The following PHYHIPL variants were observed in gnomAD, a reference collection of about 807,000 sequenced individuals.
PHYHIPL encodes the protein phytanoyl-CoA 2-hydroxylase interacting protein like.
Under a neutral mutation model 33.4 loss-of-function variants are expected in PHYHIPL, and 9 were observed. The observed-to-expected ratio is 0.27, with a 90% CI of 0.16 to 0.47. The LOEUF (loss-of-function observed/expected upper bound fraction) is 0.47. Among genes scored for constraint, PHYHIPL ranks in the 20% least tolerant of loss-of-function variants. PHYHIPL has a pLI of 0.99. For missense variants in PHYHIPL, 365 were observed against 460.7 expected (o/e 0.79, Z 1.90); for synonymous variants, 153 against 154.1 (o/e 0.99, Z 0.05).
intron 1 of PHYHIPL, chr10:59,177,537 A>T: frequency 1.3e-6 from 2 of 1,551,608 alleles, no homozygotes; most frequent in Non-Finnish European, 8.7e-7. Flanking sequence ...GACAGACACA[A>T]TCTTCATGGT....
chr10:59,209,864 A>G (rs894586835), intron 1 of PHYHIPL, among the ~76,000 whole-genome samples: 2 of 152,256 alleles, frequency 1.3e-5, no homozygotes, highest in Non-Finnish European at 2.9e-5. Context: ...CTGGCTAGCC[A>G]TATACAGAAA....
upstream of PHYHIPL, among the ~76,000 whole-genome samples, chr10:59,173,921 G>GTTTTTTTTTT (rs368316005): frequency 7.8e-4 from 45 of 57,546 alleles, 8 homozygotes; most frequent in South Asian, 1.3e-3. Flanking sequence ...TACTTCTGAG[G>GTTTTTTTTTT]TTTTTTTTTT....
chr10:59,210,658 A>C (rs553812111), intron 1 of PHYHIPL, among the ~76,000 whole-genome samples: 2 of 152,354 alleles, frequency 1.3e-5, no homozygotes, highest in East Asian at 3.9e-4. Flanking sequence ...TCACAATAGC[A>C]AAGAGTTGGA....
At chr10:59,178,895 G>A (rs975543131) in intron 1 of PHYHIPL, among the ~76,000 whole-genome samples, 2 of 152,036 alleles carry the variant, frequency 1.3e-5, no homozygotes, top group African/African-American at 2.4e-5. Flanking sequence ...GGAGGGTGCT[G>A]GCACTAAGTA....
intron 1 of PHYHIPL, among the ~76,000 whole-genome samples, chr10:59,184,984 ATTTTTTTTTTT>A (rs34336392): frequency 1.1e-5 from 1 of 92,094 alleles, no homozygotes; most frequent in Non-Finnish European, 2.0e-5. Flanking sequence ...TGAACTCATC[ATTTTTTTTTTT>A]TTTTTTTTTT....
chr10:59,213,198 A>G (rs1408231693), intron 1 of PHYHIPL, among the ~76,000 whole-genome samples: 2 of 152,140 alleles, frequency 1.3e-5, no homozygotes, highest in Non-Finnish European at 2.9e-5. Flanking sequence ...ATTTTCTCCA[A>G]TGCACTTTCT....
At chr10:59,195,119 A>G (rs1838877068) in intron 1 of PHYHIPL, among the ~76,000 whole-genome samples, 1 of 152,238 alleles carries the variant, frequency 6.6e-6, no homozygotes, top group Non-Finnish European at 1.5e-5. Context: ...TAATGTTATT[A>G]TATTAATTAT....
chr10:59,241,097 G>A (rs1840382332), intron 4 of PHYHIPL, among the ~76,000 whole-genome samples: 2 of 151,986 alleles, frequency 1.3e-5, no homozygotes, highest in Non-Finnish European at 2.9e-5. Context: ...TCCACAGAGT[G>A]GTATAATTTT....
intron 1 of PHYHIPL, among the ~76,000 whole-genome samples, chr10:59,186,760 T>G (rs1286520004): frequency 2.0e-5 from 3 of 152,202 alleles, no homozygotes; most frequent in Non-Finnish European, 4.4e-5. Context: ...TTTGGCTCTC[T>G]GTTTGTCTGT....
At chr10:59,175,426 A>G (rs562023567), upstream of PHYHIPL, among the ~76,000 whole-genome samples, 1 of 152,356 alleles carries the variant, frequency 6.6e-6, no homozygotes, top group Non-Finnish European at 1.5e-5. Context: ...GACTAGAAAG[A>G]GCAGCATACA....
chr10:59,241,852 T>C (rs1840407218), intron 4 of PHYHIPL, among the ~76,000 whole-genome samples: 2 of 152,020 alleles, frequency 1.3e-5, no homozygotes, highest in African/African-American at 2.4e-5. Context: ...TACAAAGATA[T>C]CTCTTTTGTC....
chr10:59,214,774 G>A (rs1405494535), intron 1 of PHYHIPL, among the ~76,000 whole-genome samples: 1 of 151,998 alleles, frequency 6.6e-6, no homozygotes, highest in South Asian at 2.1e-4. Context: ...AAAAAGCTTA[G>A]AGACAAAGAT....
intron 1 of PHYHIPL, among the ~76,000 whole-genome samples, chr10:59,205,560 T>C (rs767383033): frequency 1.3e-5 from 2 of 152,178 alleles, no homozygotes; most frequent in Non-Finnish European, 2.9e-5. Flanking sequence ...TGTGCCCTGG[T>C]AAAAGAATGA....
At chr10:59,196,528 C>T (rs1838924524) in intron 1 of PHYHIPL, among the ~76,000 whole-genome samples, 1 of 151,194 alleles carries the variant, frequency 6.6e-6, no homozygotes, top group African/African-American at 2.4e-5. Context: ...CCATTCTCCT[C>T]ACACCTCAGC....
chr10:59,194,078 A>ATT (rs1838846783), intron 1 of PHYHIPL, among the ~76,000 whole-genome samples: 3 of 126,518 alleles, frequency 2.4e-5, no homozygotes, highest in East Asian at 2.3e-4. Flanking sequence ...CTTTACCTAT[A>ATT]TGTTTTTTTT....
intron 1 of PHYHIPL, among the ~76,000 whole-genome samples, chr10:59,187,344 T>G (rs1838638881): frequency 6.6e-6 from 1 of 152,230 alleles, no homozygotes; most frequent in Non-Finnish European, 1.5e-5. Context: ...AGCTTTTTGA[T>G]GTGTTGCTGG....
chr10:59,178,468 G>T (rs1320831488), intron 1 of PHYHIPL, among the ~76,000 whole-genome samples: 1 of 152,088 alleles, frequency 6.6e-6, no homozygotes, highest in African/African-American at 2.4e-5. Flanking sequence ...TTGGATTTTA[G>T]TTTAGACTTT....
chr10:59,234,484 A>G lies in PHYHIPL; in HGVS notation c.287A>G (p.Asn96Ser). The G allele has an allele frequency of 1.3e-6, 2 of 1,548,720 alleles. No individual in the cohort carries two copies. The highest frequency in any genetic ancestry group is 1.2e-5 in the South Asian group (1 of 81,012). Residue 96 changes from asparagine to serine, a missense_variant, in exon 2 of 5, where the codon AAT (asparagine) becomes AGT (serine). Transcript: ENST00000373880. ...DLNKKENKNSNKFKHKDVPTK... is the reference protein window; with the variant it reads ...DLNKKENKNSSKFKHKDVPTK... ...AACAAGAAAGAGAACAAGAACTCCA[A>G]TAAATTTAAACACAAGGTAAAATCT...
intron 1 of PHYHIPL, among the ~76,000 whole-genome samples, chr10:59,224,424 C>A (rs545109975): frequency 1.3e-5 from 2 of 150,632 alleles, no homozygotes; most frequent in South Asian, 4.2e-4. Flanking sequence ...CTCTGCACTC[C>A]AGCCTGGGCA....
Sources: gnomAD v4.1 joint callset for allele counts (sites outside exome capture counted in the v4.1 genomes callset) on GRCh38, gnomAD v4.1.1 for gene constraint, MANE v1.5 for transcripts, NCBI Gene and HGNC (gene_info 2026-07-23, HGNC 2026-07-21) for gene names.